The following LMLN variants were observed in gnomAD, a reference collection of about 807,000 sequenced individuals.
LMLN encodes leishmanolysin-like peptidase.
LMLN carries 70 observed loss-of-function variants against 92.3 expected under a neutral mutation model. The ratio of observed to expected loss-of-function variants is 0.76; its 90% confidence interval spans 0.63 to 0.92. LMLN has a LOEUF of 0.92. Among genes scored for constraint, LMLN ranks in the 40% least tolerant of loss-of-function variants. The probability of loss-of-function intolerance (pLI) is 0.00; values close to 1 mark genes in which losing one functional copy is unlikely to be tolerated. For synonymous variants in LMLN, 308 were observed against 296.2 expected (o/e 1.04, Z -0.41); for missense variants, 691 against 814.6 (o/e 0.85, Z 1.85).
chr3:198,001,514 A>G (rs962090836), intron 11 of LMLN, among the ~76,000 whole-genome samples: 2 of 152,234 alleles, frequency 1.3e-5, no homozygotes, highest in African/African-American at 4.8e-5. Flanking sequence ...GAACCTGAGC[A>G]CTGCTAAAAT....
At chr3:197,992,253 A>C (rs78752796) in intron 9 of LMLN, among the ~76,000 whole-genome samples, 10,061 of 152,204 alleles carry the variant, frequency 0.066, 400 homozygotes, top group African/African-American at 0.11. Context: ...TTATAGAAAT[A>C]GTACCACGGA....
rs370010178 is a variant in LMLN at position 197,975,209 on chromosome 3, T to A, written c.348+137T>A. 2.3e-5 allele frequency: 12 copies of A among 529,340 alleles called. No homozygotes were observed. In the South Asian group the frequency reaches 3.5e-4, roughly 15 times the overall value. The allele number at this position is 529,340 out of a possible 1,614,324, so 32.8% of individuals were successfully genotyped here. A position where few individuals can be genotyped will look rare whatever the true frequency, so the allele number is the denominator to read the frequency against. ...GTTGGTAGTGAAAGTGCTGATCATTTCACAAAAGGTGTCTTTGTGATGCTC... is the reference window on the plus strand; with the variant it reads ...GTTGGTAGTGAAAGTGCTGATCATTACACAAAAGGTGTCTTTGTGATGCTC... On this transcript the variant is annotated intron_variant, in intron 3 of 15. Transcript: ENST00000330198.
At chr3:197,966,343 A>G (rs918081991) in intron 1 of LMLN, among the ~76,000 whole-genome samples, 13 of 152,152 alleles carry the variant, frequency 8.5e-5, no homozygotes, top group Non-Finnish European at 1.3e-4. Flanking sequence ...CACCTGGCCT[A>G]TTACATCTTT....
chr3:198,023,087 CA>C (rs1274143911), intron 13 of LMLN, among the ~76,000 whole-genome samples: 2 of 152,108 alleles, frequency 1.3e-5, no homozygotes, highest in African/African-American at 4.8e-5. Context: ...TGATTCAGCT[CA>C]GCCGTTACCG....
At chr3:197,998,548 A>C (rs1722088415) in intron 10 of LMLN, among the ~76,000 whole-genome samples, 1 of 152,154 alleles carries the variant, frequency 6.6e-6, no homozygotes, top group African/African-American at 2.4e-5. Context: ...CTCTCAAATC[A>C]ACTTTGTGTC....
Position 198,035,894 on chromosome 3 carries a change from G to A in LMLN, c.1718G>A (p.Arg573Gln), listed in dbSNP as rs537138037. ...CAAGATACTTCATATTTGTGTAGTC[G>A]GGCTGGGCAGGTCCTCCCTGTCAGT... The change falls in exon 15 of 16, where the codon CGG (arginine) becomes CAG (glutamine). Residue 573 changes from arginine to glutamine, a missense_variant. Physicochemically the swap from Arg to Gln is conservative, Grantham distance 43 (BLOSUM62 1). Coordinates refer to ENST00000330198, the Ensembl canonical transcript of LMLN. 8 of 1,613,812 alleles carry A rather than the reference G, an allele frequency of 5.0e-6. No homozygotes were observed. In the Admixed American group the frequency reaches 5.0e-5, roughly 10 times the overall value.
exon 1 of LMLN, chr3:197,960,382 C>G: frequency 6.2e-7 from 1 of 1,614,012 alleles, no homozygotes; most frequent in Non-Finnish European, 8.5e-7. Context: ...GCCACATCTA[C>G]TCCCGTCTCC....
At chr3:197,978,576 G>T (rs1363639120) in intron 5 of LMLN, among the ~76,000 whole-genome samples, 1 of 152,164 alleles carries the variant, frequency 6.6e-6, no homozygotes, top group African/African-American at 2.4e-5. Flanking sequence ...CGTGGAGGTT[G>T]CAGTGAGCTA....
exon 2 of LMLN, chr3:197,974,456 A>T (rs1376464360): frequency 6.4e-6 from 10 of 1,555,948 alleles, no homozygotes; most frequent in Non-Finnish European, 8.8e-6. Context: ...AAGACTGTCT[A>T]TGATAAAAGT....
At chr3:197,975,658 C>T (rs1171161115) in intron 3 of LMLN, among the ~76,000 whole-genome samples, 1 of 152,144 alleles carries the variant, frequency 6.6e-6, no homozygotes, top group Non-Finnish European at 1.5e-5. Context: ...GTCCATCATT[C>T]ATAGTAATCT....
intron 13 of LMLN, among the ~76,000 whole-genome samples, chr3:198,024,433 T>C (rs1722869006): frequency 6.6e-6 from 1 of 152,146 alleles, no homozygotes; most frequent in Non-Finnish European, 1.5e-5. Context: ...GCCAGGATGG[T>C]CTCCATCTTC....
At position 197,960,286 on chromosome 3, in the gene LMLN, C is replaced by A; in HGVS notation, c.65C>A (p.Ser22Ter). The A allele has an allele frequency of 6.2e-7, 1 of 1,613,722 alleles. No individual in the cohort carries two copies. The highest frequency in any genetic ancestry group is 8.5e-7 in the Non-Finnish European group (1 of 1,179,832). ...GGCGGAGGAGTGGGTTACTCGGGCT[C>A]AGGCCCGGGCCGGAGCCGGTGGCGC... is the stretch of plus-strand genomic sequence containing the variant. The change falls in exon 1 of 16, where the codon TCA (serine) becomes TAA (stop). Residue 22 changes from serine (S) to a stop codon, truncating the protein, a stop_gained. Transcript: ENST00000330198. LOFTEE classifies it high-confidence loss of function.
At chr3:197,985,868 G>A in exon 8 of LMLN, 1 of 1,610,172 alleles carries the variant, frequency 6.2e-7, no homozygotes, top group South Asian at 1.1e-5. Flanking sequence ...ATTTGCAGAT[G>A]GCCTCCCACC....
intron 1 of LMLN, 128 bp downstream of exon 1, chr3:197,960,568 T>TA: frequency 1.2e-6 from 1 of 827,710 alleles, no homozygotes; most frequent in Non-Finnish European, 1.9e-6. Flanking sequence ...GCCTGACTCT[T>TA]ACAGGCCTGG....
chr3:198,041,100 A>G (rs1723392181), exon 16 of LMLN: 1 of 152,294 alleles, frequency 6.6e-6, no homozygotes, highest in Non-Finnish European at 1.5e-5. Context: ...ATTACTAAGA[A>G]TTAATTCTGA....
At position 198,025,162 on chromosome 3, in the gene LMLN, G is replaced by A. The variant is rs78788167; in HGVS notation, c.1656+374G>A. On this transcript the variant is annotated intron_variant, in intron 14 of 15. Transcript: ENST00000330198. The surrounding 1 kb of genome is among the most constrained non-coding windows in gnomAD (Gnocchi z 4.3). Reference sequence around the variant, plus strand: ...TAAGAATTAGTAAATCAGGCTGGACGTGGTGGCTCACGCCTGTAATCCCAG... The same window carrying A: ...TAAGAATTAGTAAATCAGGCTGGACATGGTGGCTCACGCCTGTAATCCCAG... Among the ~76,000 whole-genome samples the A allele has an allele frequency of 1.6e-3, 245 of 152,280 alleles. No homozygotes were observed. Among genetic ancestry groups the A allele is most frequent in the African/African-American group, 5.4e-3 (226 of 41,554 alleles).
chr3:198,041,132 A>G (rs1197908502), exon 16 of LMLN: 1 of 152,274 alleles, frequency 6.6e-6, no homozygotes, highest in Admixed American at 6.5e-5. Context: ...TAGAGCCAAC[A>G]GCAACCCCAG....
At chr3:198,005,352 A>G (rs1214737641) in intron 11 of LMLN, among the ~76,000 whole-genome samples, 1 of 152,020 alleles carries the variant, frequency 6.6e-6, no homozygotes, top group Non-Finnish European at 1.5e-5. Flanking sequence ...TTCTTTAACC[A>G]TGGAGGATTG....
chr3:197,967,160 A>G (rs1264982858), intron 1 of LMLN, among the ~76,000 whole-genome samples: 1 of 152,130 alleles, frequency 6.6e-6, no homozygotes, highest in East Asian at 1.9e-4. Flanking sequence ...TTTTATATTT[A>G]TGGTTTTTTA....
Sources: allele counts gnomAD v4.1 joint callset (sites outside exome capture counted in the v4.1 genomes callset), GRCh38; gene constraint gnomAD v4.1.1; non-coding constraint Gnocchi (gnomAD v3.1); transcripts MANE v1.5; gene names NCBI Gene and HGNC (gene_info 2026-07-23, HGNC 2026-07-21).